The following MGLL variants were observed in gnomAD, a reference collection of about 807,000 sequenced individuals.
MGLL encodes the protein monoglyceride lipase, also known as lysophospholipase homolog.
In MGLL, 7 loss-of-function variants were observed where a neutral mutation model predicts 29.1. The observed-to-expected ratio is 0.24, with a 90% CI of 0.14 to 0.45. The LOEUF (loss-of-function observed/expected upper bound fraction) is 0.45. Ranked by LOEUF, MGLL falls within the 20% of genes least tolerant of loss-of-function variation. The pLI is 0.99. For synonymous variants in MGLL, 148 were observed against 168.3 expected, an observed-to-expected ratio of 0.88 and a Z score of 0.93; for missense variants, 356 against 413.6, an observed-to-expected ratio of 0.86 and a Z score of 1.21.
At chr3:127,715,859 A>C (rs1239441252) in intron 5 of MGLL, 1 of 454,780 alleles carries the variant, frequency 2.2e-6, no homozygotes, top group Non-Finnish European at 4.4e-6. Flanking sequence ...TCACCCAAAA[A>C]GGACGTGGAA....
At chr3:127,700,392 T>C (rs962219811) in intron 6 of MGLL, among the ~76,000 whole-genome samples, 1 of 152,196 alleles carries the variant, frequency 6.6e-6, no homozygotes, top group African/African-American at 2.4e-5. Flanking sequence ...TTAATTAACA[T>C]TGTCTACTCC....
At chr3:127,820,893 T>C (rs1207507114) in intron 2 of MGLL, among the ~76,000 whole-genome samples, 3 of 152,100 alleles carry the variant, frequency 2.0e-5, no homozygotes, top group East Asian at 3.9e-4. Flanking sequence ...AGAGAAGAAA[T>C]TTTACACCTG....
At chr3:127,821,299 T>C (rs2077855080) in intron 2 of MGLL, among the ~76,000 whole-genome samples, 1 of 152,186 alleles carries the variant, frequency 6.6e-6, no homozygotes, top group South Asian at 2.1e-4. Context: ...GCAGGAAAAG[T>C]GAGCAAAGGT....
At chr3:127,692,423 G>A in intron 7 of MGLL, 100 bp from the exon 8 acceptor site, 1 of 1,490,598 alleles carries the variant, frequency 6.7e-7, no homozygotes, top group South Asian at 1.1e-5. Flanking sequence ...GCATTCTCCG[G>A]ACCCTCTCCC....
At chr3:127,767,750 G>A (rs376844000) in intron 3 of MGLL, among the ~76,000 whole-genome samples, 2 of 152,186 alleles carry the variant, frequency 1.3e-5, no homozygotes, top group East Asian at 3.8e-4. Flanking sequence ...TATCCAGTGT[G>A]GCCAGGTTTT....
intron 2 of MGLL, among the ~76,000 whole-genome samples, chr3:127,815,872 A>G (rs1336868972): frequency 6.6e-6 from 1 of 152,226 alleles, no homozygotes; most frequent in African/African-American, 2.4e-5. Context: ...CATCAGATGC[A>G]TGATCTTTGC....
chr3:127,709,708 T>TAAAA (rs2075672379), intron 6 of MGLL, among the ~76,000 whole-genome samples: 1 of 151,926 alleles, frequency 6.6e-6, no homozygotes, highest in Admixed American at 6.6e-5. Flanking sequence ...GGCAGAAGAG[T>TAAAA]GGCAAACTTA....
At chr3:127,721,929 C>T (rs530544241) in intron 4 of MGLL, among the ~76,000 whole-genome samples, 1 of 152,192 alleles carries the variant, frequency 6.6e-6, no homozygotes, top group Admixed American at 6.5e-5. Flanking sequence ...TACATTTGCT[C>T]GATTACATTT....
chr3:127,792,378 C>T (rs1393365013), intron 2 of MGLL, among the ~76,000 whole-genome samples: 3 of 152,170 alleles, frequency 2.0e-5, no homozygotes, highest in Non-Finnish European at 4.4e-5. Context: ...CACTCACAGC[C>T]TCAAGTGCCT....
At chr3:127,747,159 G>A (rs1012279944) in intron 3 of MGLL, among the ~76,000 whole-genome samples, 1 of 152,184 alleles carries the variant, frequency 6.6e-6, no homozygotes, top group Admixed American at 6.5e-5. Flanking sequence ...TTGATGGGCT[G>A]TTGGGAACAT....
intron 5 of MGLL, among the ~76,000 whole-genome samples, chr3:127,718,459 A>T (rs1285864393): frequency 6.6e-6 from 1 of 152,162 alleles, no homozygotes; most frequent in Non-Finnish European, 1.5e-5. Flanking sequence ...GGCTCATAAG[A>T]GCAAACAACT....
At chr3:127,718,644 C>A (rs2075861039) in intron 5 of MGLL, among the ~76,000 whole-genome samples, 1 of 152,128 alleles carries the variant, frequency 6.6e-6, no homozygotes, top group South Asian at 2.1e-4. Flanking sequence ...ACACAGAGTA[C>A]CCCCGACATG....
chr3:127,806,330 T>C (rs1389430540), intron 2 of MGLL, among the ~76,000 whole-genome samples: 2 of 152,206 alleles, frequency 1.3e-5, no homozygotes, highest in Non-Finnish European at 2.9e-5. Flanking sequence ...AGGCCTGCCA[T>C]AGAGTTTGTG....
rs2075909144 is a variant in MGLL, at chr3:127,721,036, C to G, written c.510+17G>C. The G allele has an allele frequency of 6.2e-7, 1 of 1,605,448 alleles. No individual in the cohort carries two copies. On this transcript the variant is annotated intron_variant, in intron 5 of 7. Coordinates refer to ENST00000265052, the MANE Select transcript of MGLL (RefSeq NM_007283.7). Reference sequence around the variant, plus strand: ...GGGGAACCTGTAGGAATTGTACAGACTGGAAGGTCCTTTTACCTTGAAAGT... The same window carrying G: ...GGGGAACCTGTAGGAATTGTACAGAGTGGAAGGTCCTTTTACCTTGAAAGT...
chr3:127,748,833 C>T (rs537668324), intron 3 of MGLL, among the ~76,000 whole-genome samples: 1 of 152,286 alleles, frequency 6.6e-6, no homozygotes, highest in African/African-American at 2.4e-5. Context: ...GCTCCAACAG[C>T]CCCGAGTGGT....
At chr3:127,754,648 G>A (rs1258650367) in intron 3 of MGLL, among the ~76,000 whole-genome samples, 1 of 152,220 alleles carries the variant, frequency 6.6e-6, no homozygotes, top group Non-Finnish European at 1.5e-5. Context: ...TGGTCCCAGT[G>A]GGCACCTACA....
chr3:127,802,416 T>G lies in MGLL; in HGVS notation c.155+19278A>C, dbSNP rs188073492. Among the ~76,000 whole-genome samples the G allele has an allele frequency of 7.2e-5, 11 of 152,268 alleles. No homozygotes were observed. The East Asian group carries it at 2.1e-3, about 29-fold the overall frequency. ...TCCTGCATTCCCTAATTAAGCCTGA[T>G]TAGCCTCTCCCACACTTTCCCATCC... On this transcript the variant is annotated intron_variant, in intron 2 of 7. Transcript: ENST00000265052.
intron 3 of MGLL, among the ~76,000 whole-genome samples, chr3:127,738,683 A>G (rs2076286254): frequency 6.6e-6 from 1 of 152,144 alleles, no homozygotes; most frequent in South Asian, 2.1e-4. Flanking sequence ...CATGGGGGAG[A>G]AGGCCAGTCC....
chr3:127,724,338 T>C lies in MGLL; in HGVS notation c.263-1772A>G, dbSNP rs934305022. ...ATTTGTCTTTTTGTGTCTGGCTTAT[T>C]TAATGTAGCACAGTGTCTTCAAGGT... On this transcript the variant is annotated intron_variant, in intron 3 of 7. Coordinates refer to ENST00000265052, the MANE Select transcript of MGLL (RefSeq NM_007283.7). Among the ~76,000 whole-genome samples the C allele has an allele frequency of 3.3e-5, 5 of 152,352 alleles. No individual in the cohort carries two copies. The East Asian group carries it at 9.6e-4, about 29-fold the overall frequency.
Sources: gnomAD v4.1 joint callset for allele counts (sites outside exome capture counted in the v4.1 genomes callset) on GRCh38, gnomAD v4.1.1 for gene constraint, MANE v1.5 for transcripts, NCBI Gene and HGNC (gene_info 2026-07-23, HGNC 2026-07-21) for gene names.